The following MAN2A1 variants were observed in gnomAD, a reference collection of about 807,000 sequenced individuals.
MAN2A1 encodes alpha-mannosidase 2.
MAN2A1 carries 76 observed loss-of-function variants against 142.6 expected under a neutral mutation model. That is an observed-to-expected ratio of 0.53 (90% CI 0.44 to 0.65). The LOEUF is 0.65. Ranked by LOEUF, MAN2A1 falls within the 30% of genes least tolerant of loss-of-function variation. The pLI, the probability that MAN2A1 is intolerant of heterozygous loss-of-function variation, is 0.00. For synonymous variants in MAN2A1, 559 were observed against 473.2 expected (o/e 1.18, Z -2.35); for missense variants, 1,311 against 1,365.1 (o/e 0.96, Z 0.62).
intron 12 of MAN2A1, among the ~76,000 whole-genome samples, chr5:109,814,460 A>G (rs1303110323): frequency 6.6e-6 from 1 of 152,190 alleles, no homozygotes; most frequent in Non-Finnish European, 1.5e-5. Flanking sequence ...TAAAATGTAC[A>G]TAGATAGGAG....
At chr5:109,723,277 C>A (rs971555538) in intron 3 of MAN2A1, among the ~76,000 whole-genome samples, 1 of 152,124 alleles carries the variant, frequency 6.6e-6, no homozygotes, top group African/African-American at 2.4e-5. Context: ...GCTTAGAAAA[C>A]TATTAAATGA....
intron 12 of MAN2A1, among the ~76,000 whole-genome samples, chr5:109,791,026 AT>A (rs1435818915): frequency 2.8e-4 from 43 of 152,224 alleles, no homozygotes; most frequent in African/African-American, 9.1e-4. Context: ...AGAGAAAAAT[AT>A]TTTTAAGCTT....
intron 16 of MAN2A1, among the ~76,000 whole-genome samples, chr5:109,835,146 T>G (rs1755025352): frequency 6.6e-6 from 1 of 152,236 alleles, no homozygotes; most frequent in Non-Finnish European, 1.5e-5. Flanking sequence ...GGATAAAGTT[T>G]ACAAAAACAT....
intron 4 of MAN2A1, among the ~76,000 whole-genome samples, chr5:109,754,982 C>A (rs1016247633): frequency 2.6e-5 from 4 of 152,180 alleles, no homozygotes; most frequent in African/African-American, 9.7e-5. Flanking sequence ...GCCTGGGCAA[C>A]AAGAGTGAAA....
chr5:109,788,448 G>A (rs1753650083), intron 10 of MAN2A1, among the ~76,000 whole-genome samples: 1 of 151,804 alleles, frequency 6.6e-6, no homozygotes, highest in Admixed American at 6.6e-5. Flanking sequence ...TCTTGAACAA[G>A]AACATGAAAC....
intron 17 of MAN2A1, among the ~76,000 whole-genome samples, chr5:109,845,562 T>C (rs1274005712): frequency 6.6e-6 from 1 of 152,168 alleles, no homozygotes; most frequent in Non-Finnish European, 1.5e-5. Flanking sequence ...TATAATTTGT[T>C]TTATGCAAAT....
chr5:109,768,057 ATATTCAGCCAGTGTTCCT>A (rs1753042033), intron 6 of MAN2A1, among the ~76,000 whole-genome samples: 1 of 152,198 alleles, frequency 6.6e-6, no homozygotes, highest in Non-Finnish European at 1.5e-5. Flanking sequence ...CATATATCTT[ATATTCAGCCAGTGTTCCT>A]TCCTTCTGTC....
intron 8 of MAN2A1, among the ~76,000 whole-genome samples, chr5:109,779,565 G>GCACACA (rs757828449): frequency 0.017 from 1,229 of 73,220 alleles, 23 homozygotes; most frequent in African/African-American, 0.086. Flanking sequence ...ACACACGCGT[G>GCACACA]CACACACACA....
In MAN2A1 at chr5:109,704,139, A is replaced by G. The variant is rs749697222; in HGVS notation, c.136-9381A>G. Among the ~76,000 whole-genome samples the G allele has an allele frequency of 5.4e-4, 82 of 152,348 alleles. No individual in the cohort carries two copies. The Middle Eastern group carries it at 0.017, about 32-fold the overall frequency. On this transcript the variant is annotated intron_variant, in intron 1 of 21. Coordinates refer to ENST00000261483, the MANE Select transcript of MAN2A1 (RefSeq NM_002372.4). Reference sequence around the variant, plus strand: ...AGTTGGTGGCCCAGCTGCAGTAGTCATGAGTCCCTTGAGTGCTCTGCCAGA... The same window carrying G: ...AGTTGGTGGCCCAGCTGCAGTAGTCGTGAGTCCCTTGAGTGCTCTGCCAGA...
rs576477576 is a variant in MAN2A1, at chr5:109,823,958, A to C, written c.2566+121A>C. 1.6e-3 allele frequency: 838 copies of C among 512,622 alleles called. 3 individuals are homozygous for C. The highest frequency in any genetic ancestry group is 1.5e-3 in the Non-Finnish European group (446 of 292,860). 31.8% of individuals were successfully genotyped at this position (512,622 alleles called of 1,614,324 possible). A position where few individuals can be genotyped will look rare whatever the true frequency, so the allele number is the denominator to read the frequency against. ...TAGATGATGTTTTTCTAAACTTGAC[A>C]TTTTTAATATGATTTAAAATATGAA... is the stretch of plus-strand genomic sequence containing the variant. On this transcript the variant is annotated intron_variant, in intron 16 of 21. Coordinates refer to ENST00000261483, the MANE Select transcript of MAN2A1 (RefSeq NM_002372.4).
intron 4 of MAN2A1, among the ~76,000 whole-genome samples, chr5:109,743,492 C>T (rs1195391820): frequency 6.6e-6 from 1 of 152,150 alleles, no homozygotes; most frequent in Non-Finnish European, 1.5e-5. Flanking sequence ...CCTAAGGTCA[C>T]CCAGCTAGTA....
intron 3 of MAN2A1, among the ~76,000 whole-genome samples, chr5:109,724,840 A>G (rs1161589433): frequency 2.0e-5 from 3 of 152,204 alleles, no homozygotes; most frequent in Non-Finnish European, 2.9e-5. Flanking sequence ...AAACTTAAAG[A>G]TAATGGACAA....
At chr5:109,798,444 A>AC in intron 12 of MAN2A1, among the ~76,000 whole-genome samples, 1 of 152,196 alleles carries the variant, frequency 6.6e-6, no homozygotes, top group South Asian at 2.1e-4. Context: ...GCTCCATTTC[A>AC]CCGTGTTTAA....
At chr5:109,845,445 GAAT>G (rs1176300904) in intron 17 of MAN2A1, among the ~76,000 whole-genome samples, 2 of 152,074 alleles carry the variant, frequency 1.3e-5, no homozygotes, top group Non-Finnish European at 2.9e-5. Context: ...ACCAATTCAA[GAAT>G]AATAAGAGAT....
chr5:109,702,568 G>T (rs1372167497), intron 1 of MAN2A1, among the ~76,000 whole-genome samples: 1 of 152,264 alleles, frequency 6.6e-6, no homozygotes, highest in South Asian at 2.1e-4. Context: ...AACTGGAGAA[G>T]TAAAAACTGT....
At chr5:109,813,983 G>A (rs1422552915) in intron 12 of MAN2A1, among the ~76,000 whole-genome samples, 1 of 152,132 alleles carries the variant, frequency 6.6e-6, no homozygotes, top group African/African-American at 2.4e-5. Context: ...TTCATGAGGT[G>A]AGAGTTTTTC....
chr5:109,858,705 C>G (rs1335229488), intron 20 of MAN2A1, among the ~76,000 whole-genome samples: 1 of 152,252 alleles, frequency 6.6e-6, no homozygotes, highest in Admixed American at 6.5e-5. Context: ...CTGAAGGCCA[C>G]CTTAGCATGA....
chr5:109,735,542 T>A (rs1752065857), intron 4 of MAN2A1, among the ~76,000 whole-genome samples: 1 of 152,132 alleles, frequency 6.6e-6, no homozygotes, highest in African/African-American at 2.4e-5. Flanking sequence ...AGTGCTTCCT[T>A]CAGGAGCCCA....
At chr5:109,759,281 T>C (rs1452236502) in intron 5 of MAN2A1, among the ~76,000 whole-genome samples, 1 of 152,176 alleles carries the variant, frequency 6.6e-6, no homozygotes, top group African/African-American at 2.4e-5. Context: ...CTGTACTTTT[T>C]TTGTTAAATA....
Sources: gnomAD v4.1 joint callset for allele counts (sites outside exome capture counted in the v4.1 genomes callset) on GRCh38, gnomAD v4.1.1 for gene constraint, MANE v1.5 for transcripts, NCBI Gene and HGNC (gene_info 2026-07-23, HGNC 2026-07-21) for gene names.